The following MYO16 variants were observed in gnomAD, a reference collection of about 807,000 sequenced individuals.
MYO16 encodes the protein unconventional myosin-XVI.
Under a neutral mutation model 205.3 loss-of-function variants are expected in MYO16, and 94 were observed. The ratio of observed to expected loss-of-function variants is 0.46; its 90% confidence interval spans 0.39 to 0.54. The LOEUF (loss-of-function observed/expected upper bound fraction) is 0.54. Among genes scored for constraint, MYO16 ranks in the 20% least tolerant of loss-of-function variants. MYO16 has a pLI of 0.00. For synonymous variants in MYO16, 988 were observed against 954.0 expected (o/e 1.04, Z -0.66); for missense variants, 2,315 against 2,387.5 (o/e 0.97, Z 0.63).
chr13:109,042,883 C>T (rs1419780823), intron 23 of MYO16, among the ~76,000 whole-genome samples: 1 of 152,220 alleles, frequency 6.6e-6, no homozygotes, highest in South Asian at 2.1e-4. Flanking sequence ...AAACACTATG[C>T]TTCCTACAAA....
chr13:108,634,743 C>A (rs1382000605), intron 1 of MYO16, among the ~76,000 whole-genome samples: 3 of 152,218 alleles, frequency 2.0e-5, no homozygotes, highest in East Asian at 1.9e-4. Flanking sequence ...TTCTGCAGCT[C>A]TTGGGGGTTT....
At chr13:108,599,511 G>C (rs1878684926) in intron 1 of MYO16, among the ~76,000 whole-genome samples, 1 of 152,000 alleles carries the variant, frequency 6.6e-6, no homozygotes, top group East Asian at 1.9e-4. Flanking sequence ...GTTCACTCTA[G>C]GCTGTTACTT....
chr13:108,597,425 A>T (rs1878601764), intron 1 of MYO16, among the ~76,000 whole-genome samples: 1 of 152,142 alleles, frequency 6.6e-6, no homozygotes, highest in South Asian at 2.1e-4. Context: ...AATTTTTTTT[A>T]GATGTTGTCT....
the MYO16 span, among the ~76,000 whole-genome samples, chr13:108,572,654 C>G: frequency 2.6e-5 from 4 of 152,082 alleles, no homozygotes; most frequent in African/African-American, 9.7e-5. Flanking sequence ...ATGTCAAGTT[C>G]CTTTATCGTT....
the MYO16 span, among the ~76,000 whole-genome samples, chr13:108,556,626 T>A: frequency 6.6e-6 from 1 of 152,190 alleles, no homozygotes; most frequent in South Asian, 2.1e-4. Flanking sequence ...TGAAGAAGTA[T>A]TTTAATTTGA....
In MYO16 at chr13:108,786,198, G is replaced by T. The variant is rs116537517; in HGVS notation, c.616+455G>T. ...AGTCAAGGACACTTGTCTGCAAATC[G>T]ACCCTTTGTGACACTTTAGAACACA... is the stretch of plus-strand genomic sequence containing the variant. On this transcript the variant is annotated intron_variant, in intron 5 of 34. Coordinates refer to ENST00000457511, the MANE Select transcript of MYO16 (RefSeq NM_001198950.3). Among the ~76,000 whole-genome samples, 784 of 152,272 alleles carry T rather than the reference G, an allele frequency of 5.1e-3. 4 individuals carry two copies. The highest frequency in any genetic ancestry group is 0.018 in the African/African-American group (740 of 41,552).
At chr13:108,846,839 C>A (rs2139078563) in intron 10 of MYO16, among the ~76,000 whole-genome samples, 1 of 151,856 alleles carries the variant, frequency 6.6e-6, no homozygotes, top group Admixed American at 6.6e-5. Context: ...AATTGATTTC[C>A]TACTGTTCAA....
chr13:108,510,450 C>A, the MYO16 span, among the ~76,000 whole-genome samples: 6 of 79,374 alleles, frequency 7.6e-5, no homozygotes, highest in South Asian at 4.6e-4. Flanking sequence ...TTATATTTAA[C>A]ATTGATAGCT....
At chr13:108,919,849 A>G (rs1249580860) in intron 16 of MYO16, among the ~76,000 whole-genome samples, 1 of 152,212 alleles carries the variant, frequency 6.6e-6, no homozygotes, top group Non-Finnish European at 1.5e-5. Flanking sequence ...AAAAAACATG[A>G]CCCAACCTGA....
At chr13:108,600,146 T>A (rs1391560007) in intron 1 of MYO16, among the ~76,000 whole-genome samples, 2 of 152,182 alleles carry the variant, frequency 1.3e-5, no homozygotes, top group Admixed American at 6.5e-5. Flanking sequence ...CTGATTCTGA[T>A]GCAAAACTTT....
chr13:108,625,203 C>G (rs1318810734), upstream of MYO16, among the ~76,000 whole-genome samples: 1 of 152,144 alleles, frequency 6.6e-6, no homozygotes, highest in Non-Finnish European at 1.5e-5. Flanking sequence ...AAATGTGAGA[C>G]TACGTGAAGC....
intron 17 of MYO16, 142 bp downstream of exon 17, chr13:108,957,941 C>T: frequency 1.6e-6 from 1 of 637,180 alleles, no homozygotes; most frequent in Non-Finnish European, 2.8e-6. Context: ...ACAACAAGCC[C>T]CAATCCCTGC....
chr13:108,582,780 A>G, the MYO16 span, among the ~76,000 whole-genome samples: 2 of 152,144 alleles, frequency 1.3e-5, no homozygotes, highest in African/African-American at 2.4e-5. Context: ...AAGGCAAACT[A>G]TTACAGTTAG....
chr13:108,592,756 G>T (rs1031494488), upstream of MYO16, among the ~76,000 whole-genome samples: 3 of 148,962 alleles, frequency 2.0e-5, no homozygotes, highest in Non-Finnish European at 3.0e-5. Flanking sequence ...GTGTGTATGT[G>T]TATGGTTAGG....
chr13:108,738,384 C>T (rs947783152), intron 4 of MYO16, among the ~76,000 whole-genome samples: 2 of 148,994 alleles, frequency 1.3e-5, no homozygotes, highest in African/African-American at 4.9e-5. Flanking sequence ...GCCTTCATTT[C>T]GTTATGTACC....
At chr13:109,038,308 G>C (rs1262983148) in intron 23 of MYO16, among the ~76,000 whole-genome samples, 1 of 152,246 alleles carries the variant, frequency 6.6e-6, no homozygotes, top group East Asian at 1.9e-4. Context: ...TGATTAAGCT[G>C]TTGCCCTCGC....
At position 109,140,197 on chromosome 13, in the gene MYO16, C is replaced by G. The variant is rs1173574579; in HGVS notation, c.4052-67C>G. 6.4e-6 allele frequency: 10 copies of G among 1,568,822 alleles called. No homozygotes were observed. In the Admixed American group the frequency reaches 1.8e-4, roughly 28 times the overall value. ...GGGCCGTGGCTCCCTCCGAGTCGAGCCCCGGGCTTGGTGGGCACCCGTGGG... is the reference window on the plus strand; with the variant it reads ...GGGCCGTGGCTCCCTCCGAGTCGAGGCCCGGGCTTGGTGGGCACCCGTGGG... On this transcript the variant is annotated intron_variant, in intron 31 of 34. Coordinates refer to ENST00000457511, the MANE Select transcript of MYO16 (RefSeq NM_001198950.3). The surrounding 1 kb of genome is among the most constrained non-coding windows in gnomAD (Gnocchi z 8.0).
chr13:108,913,467 T>C (rs1313804894), intron 16 of MYO16, among the ~76,000 whole-genome samples: 1 of 152,254 alleles, frequency 6.6e-6, no homozygotes, highest in African/African-American at 2.4e-5. Context: ...TGTTTAATGT[T>C]TAAATTTAGG....
At chr13:108,636,834 C>T (rs1387002294) in intron 1 of MYO16, among the ~76,000 whole-genome samples, 1 of 152,158 alleles carries the variant, frequency 6.6e-6, no homozygotes, top group African/African-American at 2.4e-5. Context: ...CAAACTGAGA[C>T]TAATCTTTAT....
Sources: gnomAD v4.1 joint callset for allele counts (sites outside exome capture counted in the v4.1 genomes callset) on GRCh38, gnomAD v4.1.1 for gene constraint, Gnocchi (gnomAD v3.1) non-coding constraint, MANE v1.5 for transcripts, NCBI Gene and HGNC (gene_info 2026-07-23, HGNC 2026-07-21) for gene names.